MRPL33: variants seen among roughly 807,000 people sequenced by gnomAD.
The protein encoded by MRPL33 is mitochondrial ribosomal protein L33, also known as large ribosomal subunit protein bL33m.
In MRPL33, 5 loss-of-function variants were observed where a neutral mutation model predicts 10.1. The observed-to-expected ratio is 0.49, with a 90% CI of 0.26 to 1.04. MRPL33 has a LOEUF of 1.04. Among genes scored for constraint, MRPL33 ranks in the 50% least tolerant of loss-of-function variants. The pLI, the probability that MRPL33 is intolerant of heterozygous loss-of-function variation, is 0.14. For missense variants in MRPL33, 79 were observed against 78.1 expected, an observed-to-expected ratio of 1.01 and a Z score of -0.04; for synonymous variants, 24 against 27.7, an observed-to-expected ratio of 0.87 and a Z score of 0.42.
chr2:27,774,686 G>T (rs1334987377), intron 3 of MRPL33, among the ~76,000 whole-genome samples, 156 bp downstream of exon 3: 1 of 152,142 alleles, frequency 6.6e-6, no homozygotes, highest in African/African-American at 2.4e-5. Context: ...AACATCCCAG[G>T]TGCTGGGATA....
chr2:27,774,663 T>C (rs1677115683), intron 3 of MRPL33, 133 bp downstream of exon 3: 1 of 676,340 alleles, frequency 1.5e-6, no homozygotes, highest in South Asian at 1.7e-5. Context: ...GAATGATTGT[T>C]ATGATGCTAT....
chr2:27,779,653 A>G lies in MRPL33; in HGVS notation c.*171A>G. The stretch of plus-strand genomic sequence containing the variant: ...ACAATGCAGTGAAAGAAAGTTCTTC[A>G]TATTAGGACAGATATCATTGCATCA... On this transcript the variant is annotated 3_prime_UTR_variant, in exon 4 of 4. Coordinates refer to ENST00000296102, the MANE Select transcript of MRPL33 (RefSeq NM_004891.4). The G allele has an allele frequency of 7.7e-7, 1 of 1,293,252 alleles. No individual in the cohort carries two copies. The highest frequency in any genetic ancestry group is 1.1e-6 in the Non-Finnish European group (1 of 945,906). The allele number at this position is 1,293,252 out of a possible 1,614,324, so 80.1% of individuals were successfully genotyped here.
At chr2:27,773,289 C>T (rs1256615925) in intron 2 of MRPL33, among the ~76,000 whole-genome samples, 1 of 152,176 alleles carries the variant, frequency 6.6e-6, no homozygotes, top group African/African-American at 2.4e-5. Flanking sequence ...AGCAGCTTTT[C>T]CTTGCAACTC....
Position 27,772,663 on chromosome 2 carries a change from C to G in MRPL33, c.23-11C>G. The G allele has an allele frequency of 6.3e-7, 1 of 1,593,000 alleles. No homozygotes were observed. Among genetic ancestry groups the G allele is most frequent in the Non-Finnish European group, 8.6e-7 (1 of 1,165,018 alleles). Reference sequence around the variant, plus strand: ...TATTTTCTTTTCCAACCCTTCCTGTCTACAAAAAAGTTGCCAAGAGCAAGT... The same window carrying G: ...TATTTTCTTTTCCAACCCTTCCTGTGTACAAAAAAGTTGCCAAGAGCAAGT... On this transcript the variant is annotated splice_polypyrimidine_tract_variant and intron_variant, in intron 1 of 3. Coordinates refer to ENST00000296102, the MANE Select transcript of MRPL33 (RefSeq NM_004891.4).
intron 3 of MRPL33, among the ~76,000 whole-genome samples, chr2:27,776,033 T>G (rs144210665): frequency 3.3e-5 from 5 of 152,312 alleles, no homozygotes; most frequent in Admixed American, 3.3e-4. Context: ...TATGAAAAAA[T>G]GTATTGGGCT....
In MRPL33 at chr2:27,771,798, C is replaced by A; in HGVS notation, c.21C>A (p.Phe7Leu). Reference protein sequence around the residue: MFLSAVFFAKSKSKNIL... With the variant: MFLSAVLFAKSKSKNIL... ...TCACCATGTTCCTCTCCGCGGTCTT[C>A]TGTAAGTGGGGCTGGAGACGCCGGT... The change falls in exon 1 of 4, where the codon TTC (phenylalanine) becomes TTA (leucine). Residue 7 changes from phenylalanine (F) to leucine (L), a missense_variant and splice_region_variant. Phe to Leu is a conservative substitution (Grantham distance 22). Coordinates refer to ENST00000296102, the MANE Select transcript of MRPL33 (RefSeq NM_004891.4). 6.2e-7 allele frequency: 1 copy of A among 1,613,842 alleles called. No individual in the cohort carries two copies. The highest frequency in any genetic ancestry group is 2.2e-5 in the East Asian group (1 of 44,860).
chr2:27,771,857 G>C, intron 1 of MRPL33, 58 bp downstream of exon 1: 1 of 1,559,294 alleles, frequency 6.4e-7, no homozygotes, highest in Non-Finnish European at 8.8e-7. Flanking sequence ...GGCCGTGACA[G>C]GCAGGGCCCC....
At chr2:27,772,388 A>G (rs1677065854) in intron 1 of MRPL33, 3 of 347,152 alleles carry the variant, frequency 8.6e-6, no homozygotes, top group South Asian at 1.1e-4. Context: ...TGGAGCAGGT[A>G]TTACTTTAGA....
intron 1 of MRPL33, 65 bp downstream of exon 1, chr2:27,771,864 C>T (rs957562034): frequency 1.8e-5 from 27 of 1,515,436 alleles, no homozygotes; most frequent in Admixed American, 1.2e-4. Flanking sequence ...ACAGGCAGGG[C>T]CCCGGAATGA....
intron 3 of MRPL33, among the ~76,000 whole-genome samples, chr2:27,774,792 A>G (rs898423596): frequency 6.6e-6 from 1 of 152,212 alleles, no homozygotes; most frequent in African/African-American, 2.4e-5. Flanking sequence ...TGAGAGAAAC[A>G]ATCAGGATGC....
intron 2 of MRPL33, chr2:27,772,942 A>G (rs1224496028): frequency 4.3e-6 from 2 of 465,092 alleles, no homozygotes; most frequent in Non-Finnish European, 7.6e-6. Context: ...TTCTAGTCCC[A>G]GGATTTGTGA....
At chr2:27,779,360 A>G (rs1677232594) in intron 3 of MRPL33, 73 bp from the exon 4 acceptor site, 4 of 1,488,212 alleles carry the variant, frequency 2.7e-6, no homozygotes, top group African/African-American at 2.8e-5. Context: ...TTATGGTCTG[A>G]TATGTATTTT....
intron 3 of MRPL33, among the ~76,000 whole-genome samples, chr2:27,775,661 TAAC>T (rs1677135976): frequency 1.3e-5 from 2 of 152,186 alleles, no homozygotes; most frequent in South Asian, 2.1e-4. Flanking sequence ...CATTGCTTCT[TAAC>T]AAGATAATGG....
At chr2:27,777,898 C>A (rs989834569) in intron 3 of MRPL33, among the ~76,000 whole-genome samples, 4 of 151,956 alleles carry the variant, frequency 2.6e-5, no homozygotes, top group Non-Finnish European at 5.9e-5. Context: ...CTGTAGAAAA[C>A]CATGGGGGAA....
At position 27,777,703 on chromosome 2, in the gene MRPL33, T is replaced by G. The variant is rs1264929307; in HGVS notation, c.149-1730T>G. On this transcript the variant is annotated intron_variant, in intron 3 of 3. Transcript: ENST00000296102. ...TAGCACAGTTCTATGGACTTAAATA[T>G]TTTATTCTTTGAGTTAAAGGAATAG... 2.0e-5 allele frequency among the ~76,000 whole-genome samples: 3 copies of G among 152,192 alleles called. No individual in the cohort carries two copies. In the East Asian group the frequency reaches 5.8e-4, roughly 29 times the overall value.
At chr2:27,774,252 T>C (rs552885575) in intron 2 of MRPL33, among the ~76,000 whole-genome samples, 172 bp from the exon 3 acceptor site, 39 of 152,228 alleles carry the variant, frequency 2.6e-4, no homozygotes, top group Non-Finnish European at 4.9e-4. Context: ...TTTGAAACCA[T>C]TGAAACTGTT....
intron 2 of MRPL33, among the ~76,000 whole-genome samples, chr2:27,773,100 C>A (rs1677084236): frequency 6.6e-6 from 1 of 152,188 alleles, no homozygotes; most frequent in Non-Finnish European, 1.5e-5. Context: ...TTGATTAAAT[C>A]ATAGTCTGTT....
Position 27,779,670 on chromosome 2 carries a change from A to C in MRPL33, c.*188A>C. 4.4e-5 allele frequency: 46 copies of C among 1,039,736 alleles called. No homozygotes were observed. The highest frequency in any genetic ancestry group is 2.3e-4 in the Middle Eastern group (1 of 4,366). The allele number at this position is 1,039,736 out of a possible 1,614,324, so 64.4% of individuals were successfully genotyped here. On this transcript the variant is annotated 3_prime_UTR_variant, in exon 4 of 4. Coordinates refer to ENST00000296102, the MANE Select transcript of MRPL33 (RefSeq NM_004891.4). The stretch of plus-strand genomic sequence containing the variant: ...AGTTCTTCATATTAGGACAGATATC[A>C]TTGCATCACATTTATTTATCTTTCT...
intron 3 of MRPL33, among the ~76,000 whole-genome samples, chr2:27,775,276 G>A (rs1677128112): frequency 6.6e-6 from 1 of 151,616 alleles, no homozygotes; most frequent in African/African-American, 2.4e-5. Flanking sequence ...TTTATGTGCA[G>A]ATTTATGTAA....
Sources: allele counts gnomAD v4.1 joint callset (sites outside exome capture counted in the v4.1 genomes callset), GRCh38; gene constraint gnomAD v4.1.1; transcripts MANE v1.5; gene names NCBI Gene and HGNC (gene_info 2026-07-23, HGNC 2026-07-21).